Variants in ADCY9 observed in about 807,000 individuals in gnomAD.
The protein encoded by ADCY9 is adenylate cyclase type 9.
A neutral mutation model predicts 101.5 loss-of-function variants in ADCY9; 50 were observed. The observed-to-expected ratio is 0.49, with a 90% CI of 0.39 to 0.62. ADCY9 has a LOEUF of 0.62. Ranked by LOEUF, ADCY9 falls within the 20% of genes least tolerant of loss-of-function variation. The pLI is 0.00. For synonymous variants in ADCY9, 905 were observed against 769.3 expected, an observed-to-expected ratio of 1.18 and a Z score of -2.92; for missense variants, 1,662 against 1,800.4, an observed-to-expected ratio of 0.92 and a Z score of 1.39.
chr16:4,091,889 A>C (rs2056976005), intron 2 of ADCY9, among the ~76,000 whole-genome samples: 1 of 152,188 alleles, frequency 6.6e-6, no homozygotes, highest in Admixed American at 6.5e-5. Flanking sequence ...GACCCAGGGG[A>C]TGGTTGCACA....
At chr16:4,097,455 T>C (rs1284312577) in intron 2 of ADCY9, among the ~76,000 whole-genome samples, 1 of 13,136 alleles carries the variant, frequency 7.6e-5, no homozygotes, top group African/African-American at 1.7e-4. Context: ...TGGAGTTACA[T>C]ATATATATAT....
At chr16:4,075,453 A>G (rs2056861027) in intron 2 of ADCY9, among the ~76,000 whole-genome samples, 2 of 152,124 alleles carry the variant, frequency 1.3e-5, no homozygotes, top group African/African-American at 4.8e-5. Context: ...CCTAATTTTA[A>G]TCTCTTACTA....
intron 5 of ADCY9, among the ~76,000 whole-genome samples, chr16:3,954,305 C>A (rs766560177): frequency 6.6e-6 from 1 of 152,186 alleles, no homozygotes; most frequent in Non-Finnish European, 1.5e-5. Flanking sequence ...CCCAGCCTGT[C>A]CTCTGCTCTG....
intron 2 of ADCY9, chr16:4,054,266 G>T (rs926597187): frequency 1.3e-5 from 2 of 152,150 alleles, no homozygotes; most frequent in African/African-American, 4.8e-5. Context: ...CCGATGACCA[G>T]TATTAGATGT....
intron 2 of ADCY9, among the ~76,000 whole-genome samples, chr16:4,028,890 T>C (rs973950724): frequency 1.1e-4 from 16 of 152,020 alleles, no homozygotes; most frequent in Non-Finnish European, 1.9e-4. Context: ...GTTCAAGCAA[T>C]TCTCCTGCCT....
intron 10 of ADCY9, among the ~76,000 whole-genome samples, chr16:3,974,127 C>T (rs34033929): frequency 0.43 from 65,510 of 152,020 alleles, 17,136 homozygotes; most frequent in Non-Finnish European, 0.59. Context: ...CTGCAAGCTC[C>T]GCCTCCCGGG....
At chr16:3,969,582 AT>A (rs1418127384) in intron 10 of ADCY9, among the ~76,000 whole-genome samples, 1,101 of 43,884 alleles carry the variant, frequency 0.025, 71 homozygotes, top group African/African-American at 0.1. Flanking sequence ...ATATATATAT[AT>A]ATATATATAT....
Position 3,979,190 on chromosome 16 carries a change from C to T in ADCY9, c.2605G>A (p.Gly869Arg), listed in dbSNP as rs1473692140. Reference sequence around the variant, plus strand: ...GCGGGAAGCGACACCAGGATGGCCCCGATGCAGTGACGTGGTAGCCAGCCG... The same window carrying T: ...GCGGGAAGCGACACCAGGATGGCCCTGATGCAGTGACGTGGTAGCCAGCCG... The part of the protein sequence containing the change: ...IAGWLPRHCI[G>R]AILVSLPALA... Residue 869 changes from glycine to arginine, a missense_variant, in exon 8 of 11, where the codon GGG (glycine) becomes AGG (arginine). Physicochemically the swap from Gly to Arg is moderately radical, Grantham distance 125. Coordinates refer to ENST00000294016, the MANE Select transcript of ADCY9 (RefSeq NM_001116.4). 3 of 1,613,952 alleles carry T rather than the reference C, an allele frequency of 1.9e-6. No homozygotes were observed. Among genetic ancestry groups the T allele is most frequent in the African/African-American group, 2.7e-5 (2 of 74,904 alleles).
chr16:4,014,534 G>A (rs537895022), intron 2 of ADCY9, among the ~76,000 whole-genome samples: 15 of 150,960 alleles, frequency 9.9e-5, no homozygotes, highest in Admixed American at 4.0e-4. Context: ...TGCAACCTCC[G>A]CCTCCCGGGT....
At position 3,963,652 on chromosome 16, in the gene ADCY9, AC is replaced by A; in HGVS notation, c.*2122del. 1 of 298,336 alleles carries A rather than the reference AC, an allele frequency of 3.4e-6. No individual in the cohort carries two copies. Among genetic ancestry groups the A allele is most frequent in the Non-Finnish European group, 6.2e-6 (1 of 162,590 alleles). The allele number at this position is 298,336 out of a possible 1,614,324, so 18.5% of individuals were successfully genotyped here. On this transcript the variant is annotated 3_prime_UTR_variant, in exon 11 of 11. Coordinates refer to ENST00000294016, the MANE Select transcript of ADCY9 (RefSeq NM_001116.4). ...GATGGGGAAGAAGTGTGTGCGGAGA[AC>A]TTTGCGGAGCATGTTCTGAGCGAGA...
chr16:3,966,848 T>C lies in ADCY9; in HGVS notation c.2989A>G (p.Asn997Asp). The C allele has an allele frequency of 6.2e-7, 1 of 1,614,172 alleles. No homozygotes were observed. Among genetic ancestry groups the C allele is most frequent in the South Asian group, 1.1e-5 (1 of 91,084 alleles). Reference protein sequence around the residue: ...FLLLLLVWFLNREFEVSYRLH... With the variant: ...FLLLLLVWFLDREFEVSYRLH... ...CGGTAGCTGACTTCAAATTCGCGAT[T>C]CAGGAACCAGACCAACAAGAGCAGG... The change falls in exon 11 of 11, where the codon AAT becomes GAT. Residue 997 changes from asparagine to aspartate, a missense_variant. Coordinates refer to ENST00000294016, the MANE Select transcript of ADCY9 (RefSeq NM_001116.4).
chr16:4,102,271 C>T (rs1021100991), intron 2 of ADCY9, among the ~76,000 whole-genome samples: 3 of 152,086 alleles, frequency 2.0e-5, no homozygotes, highest in Non-Finnish European at 4.4e-5. Context: ...TTGCAGCGCC[C>T]CTAGGTAGCT....
chr16:4,042,466 ATT>A (rs1358976108), intron 2 of ADCY9, among the ~76,000 whole-genome samples: 8 of 152,132 alleles, frequency 5.3e-5, no homozygotes, highest in Non-Finnish European at 1.0e-4. Flanking sequence ...GATATTTTGC[ATT>A]TTTATTTCCT....
intron 2 of ADCY9, among the ~76,000 whole-genome samples, chr16:4,038,601 C>T (rs979216091): frequency 6.6e-6 from 1 of 152,078 alleles, no homozygotes; most frequent in African/African-American, 2.4e-5. Context: ...ACTGAGATAC[C>T]GTGTCGCTGT....
intron 2 of ADCY9, among the ~76,000 whole-genome samples, chr16:4,072,529 C>T (rs1460764182): frequency 6.6e-6 from 1 of 152,140 alleles, no homozygotes; most frequent in Non-Finnish European, 1.5e-5. Flanking sequence ...TGTCTCTTCT[C>T]GCTGCAGCCC....
chr16:3,978,383 G>A (rs887186810), intron 8 of ADCY9, among the ~76,000 whole-genome samples: 5 of 152,182 alleles, frequency 3.3e-5, no homozygotes, highest in Admixed American at 6.5e-5. Flanking sequence ...TCCCACGGCC[G>A]TGCTGGTTCC....
chr16:3,966,691 G>A lies in ADCY9; in HGVS notation c.3146C>T (p.Thr1049Ile), dbSNP rs750845309. Residue 1049 changes from threonine to isoleucine, a missense_variant, in exon 11 of 11, where the codon ACC becomes ATC. By Grantham distance (89) the Thr-to-Ile change is moderately conservative. Around this residue, in one of 5 missense-constraint regions of ADCY9, gnomAD observed 220 missense variants for 312.9 expected, o/e 0.70. Coordinates refer to ENST00000294016, the MANE Select transcript of ADCY9 (RefSeq NM_001116.4). ...TCCGCTGTCATGGTTCTTGGAGTAGGTCTGGGACACCTTCAGCTGCTCAGC... is the reference window on the plus strand; with the variant it reads ...TCCGCTGTCATGGTTCTTGGAGTAGATCTGGGACACCTTCAGCTGCTCAGC... ...HVAEQLKVSQTYSKNHDSGGV... is the reference protein window; with the variant it reads ...HVAEQLKVSQIYSKNHDSGGV... 2 of 1,614,110 alleles carry A rather than the reference G, an allele frequency of 1.2e-6. No individual in the cohort carries two copies. The highest frequency in any genetic ancestry group is 8.5e-7 in the Non-Finnish European group (1 of 1,179,986).
At chr16:3,978,013 C>T (rs528796231) in intron 8 of ADCY9, among the ~76,000 whole-genome samples, 83 of 152,300 alleles carry the variant, frequency 5.4e-4, no homozygotes, top group Non-Finnish European at 9.8e-4. Context: ...CCACCGCTCC[C>T]GGCCTAATCC....
intron 2 of ADCY9, among the ~76,000 whole-genome samples, chr16:4,042,643 G>T (rs1037844606): frequency 1.4e-4 from 21 of 152,034 alleles, no homozygotes; most frequent in Admixed American, 1.1e-3. Context: ...TGAAAGAGTG[G>T]AAATGAACAT....
Sources: gnomAD v4.1 joint callset for allele counts (sites outside exome capture counted in the v4.1 genomes callset) on GRCh38, gnomAD v4.1.1 for gene constraint, gnomAD v4.1.1 regional missense constraint, MANE v1.5 for transcripts, NCBI Gene and HGNC (gene_info 2026-07-23, HGNC 2026-07-21) for gene names.